ALDH18A1: variants seen among roughly 807,000 people sequenced by gnomAD.
ALDH18A1 encodes the protein aldehyde dehydrogenase 18 family member A1, also known as delta-1-pyrroline-5-carboxylate synthase.
ALDH18A1 carries 44 observed loss-of-function variants against 88.8 expected under a neutral mutation model. The ratio of observed to expected loss-of-function variants is 0.50; its 90% CI spans 0.39 to 0.64. ALDH18A1 has a LOEUF of 0.64. ALDH18A1 is among the 30% of genes least tolerant of loss of function. The pLI is 0.00. For missense variants in ALDH18A1, 782 were observed against 1,009.5 expected (o/e 0.77, Z 3.05); for synonymous variants, 331 against 372.1 (o/e 0.89, Z 1.27).
At chr10:95,637,231 G>A in intron 4 of ALDH18A1, 34 bp from the exon 5 acceptor site, 1 of 1,614,224 alleles carries the variant, frequency 6.2e-7, no homozygotes, top group Admixed American at 1.7e-5. Context: ...GTGTGGTAGG[G>A]AATGAGGGAA....
At chr10:95,654,827 A>G (rs1217680009) in intron 1 of ALDH18A1, among the ~76,000 whole-genome samples, 2 of 151,992 alleles carry the variant, frequency 1.3e-5, no homozygotes, top group African/African-American at 4.8e-5. Flanking sequence ...AATGGCTGCT[A>G]AACAATTATT....
chr10:95,655,791 G>A (rs190331189), intron 1 of ALDH18A1, among the ~76,000 whole-genome samples: 13 of 152,174 alleles, frequency 8.5e-5, no homozygotes, highest in South Asian at 8.3e-4. Flanking sequence ...GTTGAAGAAA[G>A]TTTTCACGTT....
intron 11 of ALDH18A1, 45 bp downstream of exon 11, chr10:95,625,317 T>G (rs1589514363): frequency 6.5e-7 from 1 of 1,530,760 alleles, no homozygotes; most frequent in Non-Finnish European, 9.1e-7. Flanking sequence ...ACCAAAATAA[T>G]GCACACCCCT....
intron 2 of ALDH18A1, 41 bp downstream of exon 2, chr10:95,653,249 T>C: frequency 6.6e-7 from 1 of 1,507,264 alleles, no homozygotes; most frequent in Non-Finnish European, 9.2e-7. Flanking sequence ...ACTTTGACTA[T>C]CAAACGTCCC....
At chr10:95,628,072 T>C (rs1230411343) in intron 8 of ALDH18A1, among the ~76,000 whole-genome samples, 1 of 152,242 alleles carries the variant, frequency 6.6e-6, no homozygotes, top group East Asian at 1.9e-4. Flanking sequence ...AAGAAATATT[T>C]GAACTGATAA....
At chr10:95,612,274 C>G (rs2097836500) in intron 15 of ALDH18A1, among the ~76,000 whole-genome samples, 1 of 152,226 alleles carries the variant, frequency 6.6e-6, no homozygotes, top group African/African-American at 2.4e-5. Context: ...GGCCCCACCT[C>G]TAGGTTCAGC....
At chr10:95,652,091 G>A (rs1364626011) in intron 2 of ALDH18A1, among the ~76,000 whole-genome samples, 3 of 152,196 alleles carry the variant, frequency 2.0e-5, no homozygotes, top group Admixed American at 2.0e-4. Context: ...TGAATCTCCA[G>A]AGAATTATGC....
At chr10:95,612,446 C>T (rs1431911852) in intron 15 of ALDH18A1, among the ~76,000 whole-genome samples, 1 of 152,198 alleles carries the variant, frequency 6.6e-6, no homozygotes, top group Non-Finnish European at 1.5e-5. Flanking sequence ...TGGGATCAAG[C>T]TTTTGCCTTG....
intron 11 of ALDH18A1, among the ~76,000 whole-genome samples, chr10:95,622,986 G>A (rs2097855269): frequency 6.6e-6 from 1 of 151,654 alleles, no homozygotes; most frequent in African/African-American, 2.4e-5. Flanking sequence ...GGTCAATGTT[G>A]AGATTACAAA....
At chr10:95,627,621 T>C (rs183574540) in intron 8 of ALDH18A1, 35 bp from the exon 9 acceptor site, 1 of 1,612,328 alleles carries the variant, frequency 6.2e-7, no homozygotes, top group South Asian at 1.1e-5. Context: ...AAAGATGAGA[T>C]TCAGACCTAT....
intron 17 of ALDH18A1, among the ~76,000 whole-genome samples, chr10:95,607,612 T>C (rs1039098887): frequency 2.0e-5 from 3 of 152,126 alleles, no homozygotes; most frequent in African/African-American, 2.4e-5. Flanking sequence ...TGGTGAATAA[T>C]AGATACAAGG....
chr10:95,656,529 G>C, intron 1 of ALDH18A1, 68 bp downstream of exon 1: 1 of 152,408 alleles, frequency 6.6e-6, no homozygotes, highest in Middle Eastern at 3.4e-3. Context: ...CCTCGCGCTT[G>C]AGCCTGGGCG....
chr10:95,608,071 T>G (rs899278707), intron 17 of ALDH18A1, among the ~76,000 whole-genome samples: 2 of 152,234 alleles, frequency 1.3e-5, no homozygotes, highest in African/African-American at 4.8e-5. Flanking sequence ...GAGAGCATGC[T>G]TGCGACACAT....
intron 13 of ALDH18A1, among the ~76,000 whole-genome samples, chr10:95,615,681 TC>T (rs1186658929): frequency 6.6e-6 from 1 of 152,118 alleles, no homozygotes; most frequent in Non-Finnish European, 1.5e-5. Context: ...AAAACCAGAT[TC>T]TGGTCACTGA....
At chr10:95,623,669 G>A (rs924254784) in intron 11 of ALDH18A1, among the ~76,000 whole-genome samples, 9 of 152,060 alleles carry the variant, frequency 5.9e-5, no homozygotes, top group Non-Finnish European at 8.8e-5. Context: ...GAGTTCAAGC[G>A]ATTCTCCTGC....
chr10:95,641,503 T>TA lies in ALDH18A1; in HGVS notation c.303+1488_303+1489insT, dbSNP rs1339055020. Among the ~76,000 whole-genome samples the TA allele has an allele frequency of 5.7e-3, 837 of 145,802 alleles. 14 individuals are homozygous for TA. Among genetic ancestry groups the TA allele is most frequent in the African/African-American group, 0.02 (788 of 40,096 alleles). ...CTGTTGTTCTGGGTGTTTTTTGTTTTTTTTTTTCTGCAGGGGCGGGTGGGG... is the reference window on the plus strand; with the variant it reads ...CTGTTGTTCTGGGTGTTTTTTGTTTTATTTTTTTCTGCAGGGGCGGGTGGGG... On this transcript the variant is annotated intron_variant, in intron 3 of 17. Transcript: ENST00000371224.
chr10:95,654,171 T>A (rs1159089182), intron 1 of ALDH18A1, among the ~76,000 whole-genome samples: 1 of 151,690 alleles, frequency 6.6e-6, no homozygotes, highest in East Asian at 1.9e-4. Context: ...TGTAGCTTTT[T>A]TTTTTTTTTT....
chr10:95,627,914 G>C (rs1271042570), intron 8 of ALDH18A1, among the ~76,000 whole-genome samples: 1 of 152,216 alleles, frequency 6.6e-6, no homozygotes, highest in Non-Finnish European at 1.5e-5. Context: ...ACAGGCTGGA[G>C]TTTGACCAGA....
chr10:95,653,296 T>C lies in ALDH18A1; in HGVS notation c.82A>G (p.Arg28Gly), dbSNP rs771178925. ...AGTTTTCTATGGTACATACGAGATC[T>C]GAAGACGGTTGTACACTTGACCCAG... Reference protein sequence around the residue: ...LPWVKCTTVFRSHCIQPSVIR... With the variant: ...LPWVKCTTVFGSHCIQPSVIR... Residue 28 changes from arginine (R) to glycine (G), a missense_variant, in exon 2 of 18, where the codon AGA (arginine) becomes GGA (glycine). By Grantham distance (125) the Arg-to-Gly change is moderately radical. Transcript: ENST00000371224. The C allele has an allele frequency of 6.8e-6, 11 of 1,611,410 alleles. No individual in the cohort carries two copies. In the South Asian group the frequency reaches 1.1e-4, roughly 16 times the overall value.
Sources: allele counts gnomAD v4.1 joint callset (sites outside exome capture counted in the v4.1 genomes callset), GRCh38; gene constraint gnomAD v4.1.1; transcripts MANE v1.5; gene names NCBI Gene and HGNC (gene_info 2026-07-23, HGNC 2026-07-21).